KIF26B: variants seen among roughly 807,000 people sequenced by gnomAD.
KIF26B encodes the protein kinesin family member 26B, also known as kinesin-like protein KIF26B.
In KIF26B, 63 loss-of-function variants were observed where a neutral mutation model predicts 151.2. The ratio of observed to expected loss-of-function variants is 0.42; its 90% CI spans 0.34 to 0.51. KIF26B has a LOEUF of 0.51. KIF26B is among the 20% of genes least tolerant of loss of function. The pLI, the probability that KIF26B is intolerant of heterozygous loss-of-function variation, is 0.07. For missense variants in KIF26B, 2,813 were observed against 2,913.6 expected (o/e 0.97, Z 0.79); for synonymous variants, 1,357 against 1,262.1 (o/e 1.08, Z -1.59).
chr1:245,413,668 T>A (rs1183478054), intron 3 of KIF26B, among the ~76,000 whole-genome samples: 1 of 152,022 alleles, frequency 6.6e-6, no homozygotes, highest in Non-Finnish European at 1.5e-5. Flanking sequence ...ATCTCAAAAA[T>A]AAATAAATAA....
chr1:245,302,921 G>A (rs144626741), intron 2 of KIF26B, among the ~76,000 whole-genome samples: 25 of 143,984 alleles, frequency 1.7e-4, no homozygotes, highest in Admixed American at 2.9e-4. Flanking sequence ...CCTTGGGGGC[G>A]GAGGTTGCAG....
At chr1:245,625,753 C>A (rs2043716775) in intron 9 of KIF26B, among the ~76,000 whole-genome samples, 1 of 151,970 alleles carries the variant, frequency 6.6e-6, no homozygotes, top group Non-Finnish European at 1.5e-5. Context: ...AACTGTTAAC[C>A]CACCTGTTTT....
rs562303753 is a variant in KIF26B, at chr1:245,302,904, G to A, written c.466-63930G>A. On this transcript the variant is annotated intron_variant, in intron 2 of 14. Coordinates refer to ENST00000407071, the MANE Select transcript of KIF26B (RefSeq NM_018012.4). ...CTCAGGAAGCTGAGGCAGGAGAATC[G>A]CTTGAACCTTGGGGGCGGAGGTTGC... is the stretch of plus-strand genomic sequence containing the variant. 7.3e-5 allele frequency among the ~76,000 whole-genome samples: 10 copies of A among 136,336 alleles called. No homozygotes were observed. The East Asian group carries it at 1.7e-3, about 24-fold the overall frequency. 89.4% of individuals were successfully genotyped at this position (136,336 alleles called of 152,430 possible).
Position 245,565,293 on chromosome 1 carries a change from G to GTTT in KIF26B, c.1350+24349_1350+24351dup, listed in dbSNP as rs148766403. Among the ~76,000 whole-genome samples the GTTT allele has an allele frequency of 5.4e-5, 8 of 147,788 alleles. 1 individual carries two copies. Among genetic ancestry groups the GTTT allele is most frequent in the African/African-American group, 5.0e-5 (2 of 39,662 alleles). On this transcript the variant is annotated intron_variant, in intron 5 of 14. Coordinates refer to ENST00000407071, the MANE Select transcript of KIF26B (RefSeq NM_018012.4). ...TCTGTTGTTTTTTTTGGGTTTTTTT[G>GTTT]TTTTTTTTATTTTGAGACAGAGTCT...
chr1:245,589,941 T>C (rs1166911297), intron 5 of KIF26B, among the ~76,000 whole-genome samples: 1 of 152,262 alleles, frequency 6.6e-6, no homozygotes, highest in Non-Finnish European at 1.5e-5. Flanking sequence ...AAAGCAGCTT[T>C]GCCTGGGTCC....
At chr1:245,163,794 T>C (rs1317284729) in intron 2 of KIF26B, among the ~76,000 whole-genome samples, 2 of 152,206 alleles carry the variant, frequency 1.3e-5, no homozygotes, top group African/African-American at 4.8e-5. Context: ...CATTATCTCT[T>C]TTAATTGATA....
intron 4 of KIF26B, among the ~76,000 whole-genome samples, chr1:245,455,735 A>G (rs1156703906): frequency 6.6e-6 from 1 of 152,146 alleles, no homozygotes; most frequent in African/African-American, 2.4e-5. Context: ...CCTTGCCCTG[A>G]GCAATGCTAG....
In KIF26B at chr1:245,516,462, C is replaced by G. The variant is rs746592730; in HGVS notation, c.1167-24305C>G. 3.0e-4 allele frequency among the ~76,000 whole-genome samples: 45 copies of G among 152,256 alleles called. No homozygotes were observed. Among genetic ancestry groups the G allele is most frequent in the Non-Finnish European group, 6.2e-4 (42 of 68,016 alleles). ...GGGCTGTATGTATTGATATCACATG[C>G]GTCTATATGAACGCCCCGCTGCAGC... On this transcript the variant is annotated intron_variant, in intron 4 of 14. Coordinates refer to ENST00000407071, the MANE Select transcript of KIF26B (RefSeq NM_018012.4). This position sits in a 1 kb window ranked among gnomAD's most constrained non-coding sequence, Gnocchi z 4.2.
At chr1:245,630,519 G>A (rs529199304) in intron 9 of KIF26B, among the ~76,000 whole-genome samples, 22 of 152,204 alleles carry the variant, frequency 1.4e-4, no homozygotes, top group Admixed American at 8.5e-4. Context: ...ACTCATAAGC[G>A]GGAGTTGAAC....
At chr1:245,162,409 G>A (rs375554011) in intron 2 of KIF26B, among the ~76,000 whole-genome samples, 4 of 107,504 alleles carry the variant, frequency 3.7e-5, no homozygotes, top group East Asian at 5.8e-4. Flanking sequence ...TTTTTGAGAC[G>A]GAGTCTCGCT....
At chr1:245,396,190 C>T (rs985732068) in intron 3 of KIF26B, among the ~76,000 whole-genome samples, 1 of 152,114 alleles carries the variant, frequency 6.6e-6, no homozygotes, top group Non-Finnish European at 1.5e-5. Context: ...GATCAGTGTA[C>T]TTCAGACTCT....
Position 245,609,505 on chromosome 1 carries a change from G to A in KIF26B, c.1891G>A (p.Glu631Lys), listed in dbSNP as rs1361147956. Residue 631 changes from glutamate to lysine, a missense_variant, in exon 8 of 15, where the codon GAG becomes AAG. Around this residue, in one of 3 missense-constraint regions of KIF26B, gnomAD observed 2,060 missense variants for 2,088.6 expected, o/e 0.99. Transcript: ENST00000407071. ...DGQSPGVYLC[E>K]DPICGTQLQN... ...CCAGTCCCCGGGCGTGTACCTCTGTGAGGACCCCATCTGCGGCACGCAGGT... is the reference window on the plus strand; with the variant it reads ...CCAGTCCCCGGGCGTGTACCTCTGTAAGGACCCCATCTGCGGCACGCAGGT... The A allele has an allele frequency of 7.0e-6, 11 of 1,574,696 alleles. No individual in the cohort carries two copies. Among genetic ancestry groups the A allele is most frequent in the Non-Finnish European group, 9.5e-6 (11 of 1,158,518 alleles).
At position 245,291,754 on chromosome 1, in the gene KIF26B, G is replaced by A. The variant is rs75240297; in HGVS notation, c.466-75080G>A. Among the ~76,000 whole-genome samples, 4 of 152,272 alleles carry A rather than the reference G, an allele frequency of 2.6e-5. No individual in the cohort carries two copies. The East Asian group carries it at 5.8e-4, about 22-fold the overall frequency. On this transcript the variant is annotated intron_variant, in intron 2 of 14. Transcript: ENST00000407071. ...GTTGAGGACCTGGCATTTAAGCTGC[G>A]ACCTAAGAGGTGGGTAGGAAGGGGT...
At chr1:245,330,113 G>A (rs1231556974) in intron 2 of KIF26B, among the ~76,000 whole-genome samples, 1 of 151,780 alleles carries the variant, frequency 6.6e-6, no homozygotes, top group Non-Finnish European at 1.5e-5. Context: ...TTAATGTTAG[G>A]AGCTGAGTTA....
At chr1:245,194,609 C>G (rs1488011747) in intron 2 of KIF26B, among the ~76,000 whole-genome samples, 2 of 152,098 alleles carry the variant, frequency 1.3e-5, no homozygotes, top group Non-Finnish European at 2.9e-5. Context: ...AACATCTGAC[C>G]TCAGGCCATC....
intron 10 of KIF26B, among the ~76,000 whole-genome samples, chr1:245,682,282 C>G (rs2044450276): frequency 6.6e-6 from 1 of 152,178 alleles, no homozygotes; most frequent in Non-Finnish European, 1.5e-5. Context: ...ATCGAAATGA[C>G]AGAAACCGTA....
rs1212097463 is a variant in KIF26B, at chr1:245,695,847, G to A, written c.5825-2259G>A. Among the ~76,000 whole-genome samples, 14 of 84,060 alleles carry A rather than the reference G, an allele frequency of 1.7e-4. 4 individuals carry two copies. The highest frequency in any genetic ancestry group is 1.6e-3 in the Admixed American group (14 of 8,508). 55.1% of individuals were successfully genotyped at this position (84,060 alleles called of 152,430 possible). A position where few individuals can be genotyped will look rare whatever the true frequency, so the allele number is the denominator to read the frequency against. On this transcript the variant is annotated intron_variant, in intron 12 of 14. Transcript: ENST00000407071. ...CTTCTCTACTCCCAGCTCACACGGT[G>A]CCCTGGCACGGGTATTGGCAGGACT...
intron 3 of KIF26B, among the ~76,000 whole-genome samples, chr1:245,368,632 G>A (rs1190594077): frequency 6.6e-6 from 1 of 152,080 alleles, no homozygotes; most frequent in East Asian, 1.9e-4. Context: ...TGTTTGGTAG[G>A]TGGCCTTCCG....
At chr1:245,263,650 C>T (rs933057259) in intron 2 of KIF26B, among the ~76,000 whole-genome samples, 22 of 152,298 alleles carry the variant, frequency 1.4e-4, no homozygotes, top group African/African-American at 5.1e-4. Flanking sequence ...AGCTTATAGA[C>T]TATTAGGCTT....
Sources: gnomAD v4.1 joint callset for allele counts (sites outside exome capture counted in the v4.1 genomes callset) on GRCh38, gnomAD v4.1.1 for gene constraint, gnomAD v4.1.1 regional missense constraint, Gnocchi (gnomAD v3.1) non-coding constraint, MANE v1.5 for transcripts, NCBI Gene and HGNC (gene_info 2026-07-23, HGNC 2026-07-21) for gene names.